The following TBC1D2 variants were observed in gnomAD, a reference collection of about 807,000 sequenced individuals.
The protein encoded by TBC1D2 is TBC1 domain family member 2A.
In TBC1D2, 58 loss-of-function variants were observed where a neutral mutation model predicts 91.1. The observed-to-expected ratio is 0.64, with a 90% confidence interval of 0.52 to 0.79. TBC1D2 has a LOEUF of 0.79. Among genes scored for constraint, TBC1D2 ranks in the 30% least tolerant of loss-of-function variants. The pLI is 0.00. For missense variants in TBC1D2, 1,080 were observed against 1,208.3 expected, an observed-to-expected ratio of 0.89 and a Z score of 1.57; for synonymous variants, 482 against 511.5, an observed-to-expected ratio of 0.94 and a Z score of 0.78.
At chr9:98,232,850 C>T (rs762536743) in intron 4 of TBC1D2, among the ~76,000 whole-genome samples, 1 of 152,248 alleles carries the variant, frequency 6.6e-6, no homozygotes, top group Non-Finnish European at 1.5e-5. Flanking sequence ...CGGAGTCTCA[C>T]TCTGTCACCC....
intron 4 of TBC1D2, among the ~76,000 whole-genome samples, chr9:98,229,847 T>C (rs1265222043): frequency 1.3e-5 from 2 of 152,224 alleles, no homozygotes; most frequent in African/African-American, 4.8e-5. Flanking sequence ...TGCCCATTTG[T>C]TTATGTGCTG....
At chr9:98,235,844 C>T (rs113847965) in intron 3 of TBC1D2, among the ~76,000 whole-genome samples, 9,185 of 152,106 alleles carry the variant, frequency 0.06, 362 homozygotes, top group East Asian at 0.19. Context: ...ACCATCCTGG[C>T]TAACACGGTG....
At chr9:98,203,468 A>G (rs1031112012) in intron 9 of TBC1D2, 60 bp from the exon 10 acceptor site, 12 of 1,597,912 alleles carry the variant, frequency 7.5e-6, no homozygotes, top group Non-Finnish European at 8.5e-6. Flanking sequence ...CAGGCAGCAC[A>G]TGGCAGAGGT....
intron 4 of TBC1D2, among the ~76,000 whole-genome samples, chr9:98,231,392 T>C (rs1175764861): frequency 6.6e-6 from 1 of 151,556 alleles, no homozygotes; most frequent in Admixed American, 6.6e-5. Context: ...TAGAAAAGAT[T>C]TATTGACATA....
At chr9:98,224,374 C>T (rs139776274) in intron 5 of TBC1D2, among the ~76,000 whole-genome samples, 1 of 150,600 alleles carries the variant, frequency 6.6e-6, no homozygotes, top group Non-Finnish European at 1.5e-5. Context: ...CCTCAACCTC[C>T]TGGGCTCAAG....
In TBC1D2 at chr9:98,228,673, T is replaced by C. The variant is rs1829292696; in HGVS notation, c.978+279A>G. Among the ~76,000 whole-genome samples, 1 of 152,066 alleles carries C rather than the reference T, an allele frequency of 6.6e-6. No homozygotes were observed. Among genetic ancestry groups the C allele is most frequent in the African/African-American group, 2.4e-5 (1 of 41,390 alleles). ...ATAATGTCATTTTCTGGGTAGGGGG[T>C]GAGACCATGCATGGCCCTCCAGGAG... On this transcript the variant is annotated intron_variant, in intron 5 of 12. Coordinates refer to ENST00000465784, the MANE Select transcript of TBC1D2 (RefSeq NM_001267571.2). This position sits in a 1 kb window ranked among gnomAD's most constrained non-coding sequence, Gnocchi z 4.0.
intron 5 of TBC1D2, among the ~76,000 whole-genome samples, chr9:98,224,894 G>C (rs776814023): frequency 3.3e-5 from 5 of 152,096 alleles, no homozygotes; most frequent in Non-Finnish European, 5.9e-5. Flanking sequence ...GCTTTCTCAT[G>C]AATGGGGCTA....
rs1292164864 is a variant in TBC1D2 at position 98,233,792 on chromosome 9, GA to G, written c.648-244del. Among the ~76,000 whole-genome samples the G allele has an allele frequency of 2.0e-5, 3 of 152,190 alleles. No individual in the cohort carries two copies. In the East Asian group the frequency reaches 5.8e-4, roughly 29 times the overall value. The stretch of plus-strand genomic sequence containing the variant: ...TGTGGCTTATAAGTAATACAAGCTT[GA>G]CTTCCTTAACCCCCACCCCTGCAGC... On this transcript the variant is annotated intron_variant, in intron 3 of 12. Coordinates refer to ENST00000465784, the MANE Select transcript of TBC1D2 (RefSeq NM_001267571.2).
Position 98,251,882 on chromosome 9 carries a change from C to G in TBC1D2, c.414G>C (p.Gln138His). The change falls in exon 2 of 13, where the codon CAG (glutamine) becomes CAC (histidine). Residue 138 changes from glutamine to histidine, a missense_variant. Transcript: ENST00000465784. ...TGTTGTGGAATTCCCAGCGCTTCAT[C>G]TGCAGCTGCTGCAGCCAGTACAGCA... ...QAMLYWLQQLQMKRWEFHNSP... is the reference protein window; with the variant it reads ...QAMLYWLQQLHMKRWEFHNSP... 6.2e-7 allele frequency: 1 copy of G among 1,601,896 alleles called. No individual in the cohort carries two copies. The highest frequency in any genetic ancestry group is 8.5e-7 in the Non-Finnish European group (1 of 1,175,376).
Position 98,246,653 on chromosome 9 carries a change from G to A in TBC1D2, c.512-2524C>T, listed in dbSNP as rs998491816. Among the ~76,000 whole-genome samples the A allele has an allele frequency of 1.2e-4, 18 of 152,238 alleles. No homozygotes were observed. In the South Asian group the frequency reaches 1.9e-3, roughly 16 times the overall value. Reference sequence around the variant, plus strand: ...TGGGGTAGGGGCAGTTCTGGGAGGTGGAGACAGAGTCTTTCCAACCCAGGT... The same window carrying A: ...TGGGGTAGGGGCAGTTCTGGGAGGTAGAGACAGAGTCTTTCCAACCCAGGT... On this transcript the variant is annotated intron_variant, in intron 2 of 12. Coordinates refer to ENST00000465784, the MANE Select transcript of TBC1D2 (RefSeq NM_001267571.2).
chr9:98,208,634 A>G lies in TBC1D2; in HGVS notation c.2150+34T>C, dbSNP rs1828720448. The stretch of plus-strand genomic sequence containing the variant: ...TTGGGGACCTGCGCTCCAAAAGGTA[A>G]AGATCACACCTTCACTGGGCTTTGG... On this transcript the variant is annotated intron_variant, in intron 9 of 12. Transcript: ENST00000465784. The G allele has an allele frequency of 4.6e-6, 7 of 1,509,546 alleles. No individual in the cohort carries two copies. The South Asian group carries it at 9.4e-5, about 20-fold the overall frequency. The allele number at this position is 1,509,546 out of a possible 1,614,324, so 93.5% of individuals were successfully genotyped here.
intron 1 of TBC1D2, among the ~76,000 whole-genome samples, chr9:98,252,721 G>A (rs1241741839): frequency 6.6e-6 from 1 of 152,198 alleles, no homozygotes; most frequent in Non-Finnish European, 1.5e-5. Flanking sequence ...TTATGGCCAG[G>A]AGATTAGTGG....
At chr9:98,251,970 G>A (rs757564055) in intron 1 of TBC1D2, 44 bp from the exon 2 acceptor site, 2 of 1,561,342 alleles carry the variant, frequency 1.3e-6, no homozygotes, top group African/African-American at 2.8e-5. Context: ...GTGCCTGAAG[G>A]GTGGCACTGG....
In TBC1D2 at chr9:98,229,066, G is replaced by A; in HGVS notation, c.864C>T (p.Asn288=). The A allele has an allele frequency of 1.2e-6, 2 of 1,614,244 alleles. No individual in the cohort carries two copies. Among genetic ancestry groups the A allele is most frequent in the Non-Finnish European group, 1.7e-6 (2 of 1,180,050 alleles). The change falls in exon 5 of 13, where the codon AAC becomes AAT. Residue 288 remains asparagine, a synonymous_variant. Coordinates refer to ENST00000465784, the MANE Select transcript of TBC1D2 (RefSeq NM_001267571.2). ...ISFAQKAKRQ[N]NTFPFFSEGI... ...CTTCAGAAAAGAATGGGAAGGTGTT[G>A]TTCTGGCGCTTGGCTTTCTGAGCGA...
chr9:98,210,442 G>A (rs1390144831), intron 8 of TBC1D2, among the ~76,000 whole-genome samples: 1 of 152,232 alleles, frequency 6.6e-6, no homozygotes, highest in Non-Finnish European at 1.5e-5. Context: ...TCTGGAGGCA[G>A]CCTGTGCCGC....
rs1828427740 is a variant in TBC1D2 at position 98,199,539 on chromosome 9, G to C, written c.2629C>G (p.Gln877Glu). The change falls in exon 13 of 13, where the codon CAG becomes GAG. Residue 877 changes from glutamine to glutamate, a missense_variant. Coordinates refer to ENST00000465784, the MANE Select transcript of TBC1D2 (RefSeq NM_001267571.2). ...FNDMNPFRMK[Q>E]LRQLRMVHRE... is the part of the protein sequence containing the mutation. The stretch of plus-strand genomic sequence containing the variant: ...TGGACCATGCGCAGCTGCCGCAGCT[G>C]TTTCATGCGGAAGGGGTTCATGTCA... The C allele has an allele frequency of 6.2e-7, 1 of 1,614,068 alleles. No homozygotes were observed. The highest frequency in any genetic ancestry group is 1.3e-5 in the African/African-American group (1 of 74,942).
intron 8 of TBC1D2, among the ~76,000 whole-genome samples, 178 bp downstream of exon 8, chr9:98,210,478 G>C (rs973088034): frequency 1.3e-5 from 2 of 152,208 alleles, no homozygotes; most frequent in African/African-American, 4.8e-5. Flanking sequence ...CCATGGCAGG[G>C]GGCTGCCTCC....
intron 4 of TBC1D2, among the ~76,000 whole-genome samples, chr9:98,232,108 T>A (rs1463663272): frequency 6.6e-6 from 1 of 152,160 alleles, no homozygotes. Context: ...AGCCACTGAA[T>A]TACACATTTT....
chr9:98,233,119 G>A (rs1829412475), intron 4 of TBC1D2, among the ~76,000 whole-genome samples: 1 of 152,162 alleles, frequency 6.6e-6, no homozygotes, highest in Non-Finnish European at 1.5e-5. Context: ...GAGCTCTTTC[G>A]GCCACGTGAA....
Sources: gnomAD v4.1 joint callset for allele counts (sites outside exome capture counted in the v4.1 genomes callset) on GRCh38, gnomAD v4.1.1 for gene constraint, Gnocchi (gnomAD v3.1) non-coding constraint, MANE v1.5 for transcripts, NCBI Gene and HGNC (gene_info 2026-07-23, HGNC 2026-07-21) for gene names.